Variants in PLEKHA1 observed in about 807,000 individuals in gnomAD.
PLEKHA1 encodes pleckstrin homology domain containing A1, also known as pleckstrin homology domain-containing family A member 1.
In PLEKHA1, 34 loss-of-function variants were observed where a neutral mutation model predicts 52.0. The observed-to-expected ratio is 0.65, with a 90% CI of 0.50 to 0.87. PLEKHA1 has a LOEUF of 0.87. Among genes scored for constraint, PLEKHA1 ranks in the 40% least tolerant of loss-of-function variants. The probability of loss-of-function intolerance (pLI) is 0.00; values close to 1 mark genes in which losing one functional copy is unlikely to be tolerated. For missense variants in PLEKHA1, 497 were observed against 504.2 expected (o/e 0.99, Z 0.14); for synonymous variants, 163 against 170.7 (o/e 0.95, Z 0.35).
At chr10:122,436,924 A>C (rs920821091), downstream of PLEKHA1, 9 of 149,304 alleles carry the variant, frequency 6.0e-5, no homozygotes, top group African/African-American at 2.2e-4. Flanking sequence ...CCTCTAATGC[A>C]CGTTTTCTTT....
intron 5 of PLEKHA1, among the ~76,000 whole-genome samples, chr10:122,409,227 A>C (rs958232015): frequency 3.9e-5 from 6 of 152,188 alleles, no homozygotes; most frequent in African/African-American, 1.4e-4. Context: ...TCAAAAACAC[A>C]AGTTGAAAAT....
At chr10:122,421,182 G>A (rs1403496326) in intron 8 of PLEKHA1, 1 of 152,088 alleles carries the variant, frequency 6.6e-6, no homozygotes, top group African/African-American at 2.4e-5. Context: ...AATGTCATTG[G>A]TAATGAGGTA....
intron 1 of PLEKHA1, chr10:122,386,984 G>T (rs1307411020): frequency 6.6e-6 from 1 of 152,068 alleles, no homozygotes; most frequent in Non-Finnish European, 1.5e-5. Flanking sequence ...TGTCAAATTT[G>T]TTTGCATGAA....
chr10:122,413,135 A>G (rs2097129374), intron 6 of PLEKHA1, 90 bp downstream of exon 6: 2 of 1,124,048 alleles, frequency 1.8e-6, no homozygotes, highest in Non-Finnish European at 2.4e-6. Context: ...ATCTTTGCTT[A>G]ATTGGTATAA....
rs763198997 is a variant in PLEKHA1, at chr10:122,429,730, C to A, written c.1007C>A (p.Thr336Asn). ...TCTCGCAGCAACTCTTTGGTCTCAA[C>A]CTTTACCATGGAGAAGCGAGGATTT... ...TASRSNSLVS[T>N]FTMEKRGFYE... is the part of the protein sequence containing the mutation. Residue 336 changes from threonine (T) to asparagine (N), a missense_variant, in exon 12 of 12, where the codon ACC (threonine) becomes AAC (asparagine). Coordinates refer to ENST00000368990, the MANE Select transcript of PLEKHA1 (RefSeq NM_001001974.4). The A allele has an allele frequency of 3.7e-6, 6 of 1,614,068 alleles. No homozygotes were observed. The East Asian group carries it at 1.1e-4, about 30-fold the overall frequency.
intron 8 of PLEKHA1, 105 bp downstream of exon 8, chr10:122,418,073 C>A: frequency 1.2e-6 from 1 of 831,816 alleles, no homozygotes; most frequent in Non-Finnish European, 1.8e-6. Flanking sequence ...CAGAATAAGT[C>A]TAGTTTTTAG....
chr10:122,387,722 C>G (rs1480268273), intron 1 of PLEKHA1: 1 of 152,088 alleles, frequency 6.6e-6, no homozygotes, highest in Admixed American at 6.5e-5. Flanking sequence ...GTCAAGATAG[C>G]CTCTTCACTC....
chr10:122,432,531 T>C (rs147421264), downstream of PLEKHA1: 2 of 133,114 alleles, frequency 1.5e-5, no homozygotes, highest in East Asian at 4.6e-4. Flanking sequence ...GCATGTGAAA[T>C]TATAGAAGGA....
At chr10:122,424,178 T>TTTG (rs2097304351) in intron 8 of PLEKHA1, 21 bp from the exon 9 acceptor site, 1 of 1,421,436 alleles carries the variant, frequency 7.0e-7, no homozygotes, top group South Asian at 1.4e-5. Context: ...ACTGTTTTTT[T>TTTG]TTTTTTTTTT....
At position 122,430,811 on chromosome 10, in the gene PLEKHA1, T is replaced by C. The variant is rs1338741455; in HGVS notation, c.*873T>C. 6.6e-6 allele frequency: 1 copy of C among 152,402 alleles called. No homozygotes were observed. The highest frequency in any genetic ancestry group is 1.5e-5 in the Non-Finnish European group (1 of 68,044). 9.4% of individuals were successfully genotyped at this position (152,402 alleles called of 1,614,324 possible). A position where few individuals can be genotyped will look rare whatever the true frequency, so the allele number is the denominator to read the frequency against. ...TGTTGTGACCTCTACTTTTTGTCAC[T>C]AATAGCCTACATTCAAGTGCCTGTG... On this transcript the variant is annotated 3_prime_UTR_variant, in exon 12 of 12. Coordinates refer to ENST00000368990, the MANE Select transcript of PLEKHA1 (RefSeq NM_001001974.4).
chr10:122,441,667 AC>A, the PLEKHA1 span: 1 of 152,192 alleles, frequency 6.6e-6, no homozygotes, highest in East Asian at 1.9e-4. Flanking sequence ...GCGTGCATGA[AC>A]CGGCTCTGAC....
intron 7 of PLEKHA1, among the ~76,000 whole-genome samples, chr10:122,416,678 A>G (rs2097180284): frequency 6.6e-6 from 1 of 152,168 alleles, no homozygotes; most frequent in South Asian, 2.1e-4. Flanking sequence ...CAATATTTCT[A>G]AGGTTGCAAC....
chr10:122,436,094 G>A (rs1250890665), downstream of PLEKHA1: 1 of 152,132 alleles, frequency 6.6e-6, no homozygotes, highest in Non-Finnish European at 1.5e-5. Flanking sequence ...TTTGGAAGCA[G>A]ACTTAGCCAC....
At chr10:122,379,916 T>A (rs2096591441) in intron 1 of PLEKHA1, among the ~76,000 whole-genome samples, 1 of 152,216 alleles carries the variant, frequency 6.6e-6, no homozygotes, top group Non-Finnish European at 1.5e-5. Flanking sequence ...GATGAGGTGT[T>A]AACTGTAATT....
At chr10:122,375,109 C>G (rs954665862) in intron 1 of PLEKHA1, 1 of 151,788 alleles carries the variant, frequency 6.6e-6, no homozygotes, top group African/African-American at 2.4e-5. Context: ...GTTTTCCCGA[C>G]GTCAGCCCTC....
chr10:122,410,267 T>A (rs11816996), intron 5 of PLEKHA1, among the ~76,000 whole-genome samples: 2,075 of 152,284 alleles, frequency 0.014, 37 homozygotes, highest in African/African-American at 0.047. Flanking sequence ...TAGGATCACA[T>A]GCAAATGCCT....
chr10:122,417,142 T>C (rs1367267407), intron 7 of PLEKHA1: 3 of 152,408 alleles, frequency 2.0e-5, no homozygotes, highest in African/African-American at 4.8e-5. Flanking sequence ...TGACAAAAAA[T>C]ATTTGTACAA....
intron 11 of PLEKHA1, among the ~76,000 whole-genome samples, chr10:122,427,726 A>T (rs1380029546): frequency 6.6e-6 from 1 of 152,164 alleles, no homozygotes; most frequent in South Asian, 2.1e-4. Flanking sequence ...TTAGATTTGC[A>T]TTTGGAATAC....
downstream of PLEKHA1, chr10:122,433,876 G>A (rs1317452512): frequency 6.6e-6 from 1 of 152,154 alleles, no homozygotes; most frequent in East Asian, 1.9e-4. Flanking sequence ...TTTAGGAAGG[G>A]CTTTTAATTA....
Sources: allele counts gnomAD v4.1 joint callset (sites outside exome capture counted in the v4.1 genomes callset), GRCh38; gene constraint gnomAD v4.1.1; transcripts MANE v1.5; gene names NCBI Gene and HGNC (gene_info 2026-07-23, HGNC 2026-07-21).